Variants in ANKAR observed in about 807,000 individuals in gnomAD.
ANKAR encodes the protein ankyrin and armadillo repeat-containing protein.
In ANKAR, 136 loss-of-function variants were observed where a neutral mutation model predicts 146.2. The observed-to-expected ratio is 0.93, with a 90% confidence interval of 0.81 to 1.07. The LOEUF is 1.07. Among genes scored for constraint, ANKAR ranks in the 50% least tolerant of loss-of-function variants. The probability of loss-of-function intolerance (pLI) is 0.00; values close to 1 mark genes in which losing one functional copy is unlikely to be tolerated. For missense variants in ANKAR, 1,567 were observed against 1,679.9 expected (o/e 0.93, Z 1.18); for synonymous variants, 500 against 575.8 (o/e 0.87, Z 1.88).
Position 189,707,078 on chromosome 2 carries a change from A to T in ANKAR, c.2051A>T (p.His684Leu), listed in dbSNP as rs1009841412. 1.2e-6 allele frequency: 2 copies of T among 1,605,466 alleles called. No individual in the cohort carries two copies. The highest frequency in any genetic ancestry group is 1.7e-5 in the Admixed American group (1 of 59,120). ...ATCCATTTATCAGTGTTAACCTTTC[A>T]TACAGAGGTTCTCAAATATATAATA... Reference protein sequence around the residue: ...NIIHLSVLTFHTEVLKYIIKL... With the variant: ...NIIHLSVLTFLTEVLKYIIKL... Residue 684 changes from histidine (H) to leucine (L), a missense_variant, in exon 9 of 23, where the codon CAT (histidine) becomes CTT (leucine). His to Leu is a moderately conservative substitution (Grantham distance 99, BLOSUM62 -3). Coordinates refer to ENST00000684021, the MANE Select transcript of ANKAR (RefSeq NM_001378068.1).
In ANKAR at chr2:189,738,572, T is replaced by C; in HGVS notation, c.3590T>C (p.Val1197Ala). Residue 1197 changes from valine to alanine, a missense_variant, in exon 19 of 23, where the codon GTA (valine) becomes GCA (alanine). Coordinates refer to ENST00000684021, the MANE Select transcript of ANKAR (RefSeq NM_001378068.1). ...CTTCTTTTCTGTTTTCAGATTGTTG[T>C]ACTGGCTAAAGTCATTAGAGATATG... ...EKAMAAFQIV[V>A]LAKVIRDMDH... The C allele has an allele frequency of 6.3e-7, 1 of 1,586,530 alleles. No individual in the cohort carries two copies. The highest frequency in any genetic ancestry group is 8.6e-7 in the Non-Finnish European group (1 of 1,162,450).
At chr2:189,710,803 A>G (rs1241927357) in intron 9 of ANKAR, among the ~76,000 whole-genome samples, 2 of 152,196 alleles carry the variant, frequency 1.3e-5, no homozygotes, top group Non-Finnish European at 2.9e-5. Flanking sequence ...CCCCATTTCA[A>G]AAAAAGAAAT....
chr2:189,744,863 A>C (rs1171984216), intron 22 of ANKAR, 75 bp downstream of exon 22: 3 of 1,244,940 alleles, frequency 2.4e-6, no homozygotes, highest in Non-Finnish European at 3.4e-6. Context: ...CATCTCTAAA[A>C]ATTCAAAATG....
intron 11 of ANKAR, 126 bp downstream of exon 11, chr2:189,719,939 G>A (rs996360324): frequency 9.2e-7 from 1 of 1,090,538 alleles, no homozygotes; most frequent in Non-Finnish European, 1.3e-6. Context: ...GCAGGGAAAA[G>A]GGAGAGAGGG....
intron 8 of ANKAR, 128 bp from the exon 9 acceptor site, chr2:189,706,810 A>G (rs1327069762): frequency 1.5e-6 from 1 of 649,870 alleles, no homozygotes; most frequent in Non-Finnish European, 2.6e-6. Context: ...AATACGGAAG[A>G]TGAGAATTCC....
At chr2:189,750,377 G>GA, downstream of ANKAR, among the ~76,000 whole-genome samples, 1 of 151,428 alleles carries the variant, frequency 6.6e-6, no homozygotes, top group Middle Eastern at 3.4e-3. Context: ...ATAATTAAAA[G>GA]AAAAAAACTA....
intron 7 of ANKAR, among the ~76,000 whole-genome samples, chr2:189,700,172 C>T (rs2037859234): frequency 6.6e-6 from 1 of 152,028 alleles, no homozygotes; most frequent in Non-Finnish European, 1.5e-5. Context: ...GGCAAACTCC[C>T]TCAATTTTTG....
chr2:189,679,001 A>G (rs1248409191), intron 2 of ANKAR, among the ~76,000 whole-genome samples: 1 of 152,198 alleles, frequency 6.6e-6, no homozygotes, highest in East Asian at 1.9e-4. Flanking sequence ...TTGAATCTGT[A>G]GATTGCTTTT....
rs751095372 is a variant in ANKAR, at chr2:189,720,671, T to C, written c.2519T>C (p.Leu840Pro). 3 of 1,408,256 alleles carry C rather than the reference T, an allele frequency of 2.1e-6. No individual in the cohort carries two copies. Among genetic ancestry groups the C allele is most frequent in the South Asian group, 1.9e-5 (1 of 53,562 alleles). The allele number at this position is 1,408,256 out of a possible 1,614,324, so 87.2% of individuals were successfully genotyped here. ...NLLNLNIENV[L>P]VNVMNCIRVL... ...TTGAACTTAAACATAGAAAATGTGC[T>C]AGTAAATGTAATGAACTGTATACGG... The change falls in exon 12 of 23, where the codon CTA (leucine) becomes CCA (proline). Residue 840 changes from leucine to proline, a missense_variant. Leu to Pro is a moderately conservative substitution (Grantham distance 98, BLOSUM62 -3). Transcript: ENST00000684021.
At chr2:189,733,881 A>G (rs1559136384) in intron 17 of ANKAR, among the ~76,000 whole-genome samples, 1 of 151,004 alleles carries the variant, frequency 6.6e-6, no homozygotes, top group South Asian at 2.1e-4. Flanking sequence ...GTCTCACATT[A>G]CATCTAAATG....
At chr2:189,726,674 T>C (rs1291963899) in intron 12 of ANKAR, among the ~76,000 whole-genome samples, 1 of 152,136 alleles carries the variant, frequency 6.6e-6, no homozygotes, top group Non-Finnish European at 1.5e-5. Flanking sequence ...GATCCTGTAC[T>C]GGAAGAAAGT....
In ANKAR at chr2:189,693,224, C is replaced by T. The variant is rs375468743; in HGVS notation, c.1307+47C>T. ...CTGACATTAACTACAATTTTTTGCACGTTAGTAGAGAACAAAGAAAATGAC... is the reference window on the plus strand; with the variant it reads ...CTGACATTAACTACAATTTTTTGCATGTTAGTAGAGAACAAAGAAAATGAC... On this transcript the variant is annotated intron_variant, in intron 5 of 22. Coordinates refer to ENST00000684021, the MANE Select transcript of ANKAR (RefSeq NM_001378068.1). The T allele has an allele frequency of 7.6e-5, 93 of 1,226,224 alleles. No homozygotes were observed. In the East Asian group the frequency reaches 1.7e-3, roughly 23 times the overall value. The allele number at this position is 1,226,224 out of a possible 1,614,324, so 76.0% of individuals were successfully genotyped here.
At chr2:189,738,888 A>T (rs1176801641) in intron 19 of ANKAR, among the ~76,000 whole-genome samples, 1 of 152,196 alleles carries the variant, frequency 6.6e-6, no homozygotes, top group African/African-American at 2.4e-5. Context: ...GAAGCTGAGT[A>T]ACTCTGAATA....
rs562822476 is a variant in ANKAR at position 189,698,666 on chromosome 2, C to T, written c.1708+2297C>T. Among the ~76,000 whole-genome samples the T allele has an allele frequency of 9.8e-5, 15 of 152,304 alleles. No homozygotes were observed. In the South Asian group the frequency reaches 3.1e-3, roughly 32 times the overall value. ...TGTCAAGGGGGAGGGGATAGTTACT[C>T]AAATTGGCCATCTTCCGTTAGAGGA... On this transcript the variant is annotated intron_variant, in intron 7 of 22. Coordinates refer to ENST00000684021, the MANE Select transcript of ANKAR (RefSeq NM_001378068.1).
intron 12 of ANKAR, among the ~76,000 whole-genome samples, chr2:189,725,303 C>T (rs1261103800): frequency 6.6e-6 from 1 of 151,284 alleles, no homozygotes; most frequent in African/African-American, 2.4e-5. Context: ...CACACACACA[C>T]ACACACACAC....
intron 10 of ANKAR, among the ~76,000 whole-genome samples, chr2:189,714,628 T>G (rs1386119409): frequency 1.3e-5 from 2 of 152,076 alleles, no homozygotes; most frequent in Non-Finnish European, 1.5e-5. Flanking sequence ...AGAGGGAAAT[T>G]TATAGCACTA....
intron 18 of ANKAR, among the ~76,000 whole-genome samples, chr2:189,753,686 A>T (rs1482433221): frequency 6.6e-6 from 1 of 152,208 alleles, no homozygotes; most frequent in East Asian, 1.9e-4. Flanking sequence ...ATCCAACAAG[A>T]AGATGCAAAA....
At chr2:189,690,277 T>C (rs1398380752) in intron 3 of ANKAR, among the ~76,000 whole-genome samples, 1 of 152,214 alleles carries the variant, frequency 6.6e-6, no homozygotes, top group Non-Finnish European at 1.5e-5. Context: ...TCATTCAAAT[T>C]ACTCTATAAA....
In ANKAR at chr2:189,683,238, G is replaced by A. The variant is rs539479193; in HGVS notation, c.601+6147G>A. On this transcript the variant is annotated intron_variant, in intron 2 of 22. Coordinates refer to ENST00000684021, the MANE Select transcript of ANKAR (RefSeq NM_001378068.1). ...ACCCAGTCTGTGCTTTTTTCTTACA[G>A]TAGCTCTAAATGATTAAGACAGGAT... Among the ~76,000 whole-genome samples the A allele has an allele frequency of 1.4e-3, 212 of 152,242 alleles. 1 individual carries two copies. Among genetic ancestry groups the A allele is most frequent in the Admixed American group, 5.0e-3 (76 of 15,300 alleles).
Sources: allele counts gnomAD v4.1 joint callset (sites outside exome capture counted in the v4.1 genomes callset), GRCh38; gene constraint gnomAD v4.1.1; transcripts MANE v1.5; gene names NCBI Gene and HGNC (gene_info 2026-07-23, HGNC 2026-07-21).